The following CDK17 variants were observed in gnomAD, a reference collection of about 807,000 sequenced individuals.
CDK17 encodes the protein cyclin-dependent kinase 17.
Under a neutral mutation model 77.6 loss-of-function variants are expected in CDK17, and 24 were observed. The ratio of observed to expected loss-of-function variants is 0.31; its 90% CI spans 0.22 to 0.44. The LOEUF (loss-of-function observed/expected upper bound fraction) is 0.44, where lower values mean the gene tolerates loss of function less well. Ranked by LOEUF, CDK17 falls within the 20% of genes least tolerant of loss-of-function variation. The probability of loss-of-function intolerance (pLI) is 1.00; values close to 1 mark genes in which losing one functional copy is unlikely to be tolerated. For synonymous variants in CDK17, 203 were observed against 210.4 expected (o/e 0.96, Z 0.30); for missense variants, 429 against 622.5 (o/e 0.69, Z 3.31).
intron 2 of CDK17, among the ~76,000 whole-genome samples, chr12:96,333,885 C>G (rs773579803): frequency 1.3e-5 from 2 of 152,070 alleles, no homozygotes; most frequent in Non-Finnish European, 2.9e-5. Flanking sequence ...AACGGCTTAG[C>G]CAGTCATCAA....
intron 4 of CDK17, among the ~76,000 whole-genome samples, chr12:96,311,980 T>C (rs1235150355): frequency 2.6e-5 from 4 of 151,852 alleles, no homozygotes; most frequent in African/African-American, 7.3e-5. Context: ...TAAGAAAGAG[T>C]ATATGTGTAT....
intron 5 of CDK17, among the ~76,000 whole-genome samples, chr12:96,308,629 T>G (rs10431434): frequency 0.081 from 12,167 of 150,662 alleles, 675 homozygotes; most frequent in South Asian, 0.18. Context: ...CTCGGGAGGC[T>G]GAGGCCAGAG....
At chr12:96,387,187 A>C (rs959917188) in intron 1 of CDK17, 1 of 262,856 alleles carries the variant, frequency 3.8e-6, no homozygotes, top group African/African-American at 2.3e-5. Context: ...AAATCTCATG[A>C]GCTTCATCCT....
chr12:96,364,015 G>A (rs1953542972), intron 1 of CDK17, among the ~76,000 whole-genome samples: 1 of 152,152 alleles, frequency 6.6e-6, no homozygotes, highest in Non-Finnish European at 1.5e-5. Flanking sequence ...ATCACATAAG[G>A]ATATGTACTC....
At chr12:96,365,140 C>A (rs1237204388) in intron 1 of CDK17, among the ~76,000 whole-genome samples, 1 of 151,976 alleles carries the variant, frequency 6.6e-6, no homozygotes, top group African/African-American at 2.4e-5. Flanking sequence ...AATAAAATTG[C>A]TTTTTTCTCA....
rs376184672 is a variant in CDK17, at chr12:96,280,199, G to C, written c.*43C>G. On this transcript the variant is annotated 3_prime_UTR_variant, in exon 17 of 17. Coordinates refer to ENST00000261211, the MANE Select transcript of CDK17 (RefSeq NM_002595.5). ...GCCTTCAGTTCTGAGTCCTTGATTG[G>C]TAAGAAAGGCTGGGGGCTGGGCTTG... 14 of 1,543,460 alleles carry C rather than the reference G, an allele frequency of 9.1e-6. 1 individual carries two copies. In the South Asian group the frequency reaches 1.4e-4, roughly 16 times the overall value.
intron 1 of CDK17, among the ~76,000 whole-genome samples, chr12:96,382,817 T>C (rs983197355): frequency 2.0e-5 from 3 of 152,134 alleles, no homozygotes; most frequent in Non-Finnish European, 4.4e-5. Context: ...CATCCCTTCA[T>C]GAATGGGCAA....
chr12:96,331,721 C>T (rs1312524658), intron 2 of CDK17, among the ~76,000 whole-genome samples: 4 of 151,958 alleles, frequency 2.6e-5, no homozygotes, highest in Non-Finnish European at 4.4e-5. Flanking sequence ...TAAGTATAAC[C>T]AAACGCATCA....
At chr12:96,398,679 C>G (rs369712765) in intron 1 of CDK17, among the ~76,000 whole-genome samples, 101 of 152,336 alleles carry the variant, frequency 6.6e-4, no homozygotes, top group African/African-American at 2.4e-3. Context: ...AATTGTCTGT[C>G]TTTAGGTCAA....
At chr12:96,352,364 C>A (rs1483982500) in intron 1 of CDK17, among the ~76,000 whole-genome samples, 1 of 151,246 alleles carries the variant, frequency 6.6e-6, no homozygotes, top group East Asian at 1.9e-4. Flanking sequence ...AGGTAAGGAC[C>A]GAAGCCAGAA....
At chr12:96,335,828 T>C (rs1363500816) in intron 1 of CDK17, among the ~76,000 whole-genome samples, 2 of 152,166 alleles carry the variant, frequency 1.3e-5, no homozygotes, top group Non-Finnish European at 2.9e-5. Context: ...GACCCACAAT[T>C]TCCTTTCTAA....
chr12:96,391,333 A>G (rs968787722), intron 1 of CDK17, among the ~76,000 whole-genome samples: 1 of 148,740 alleles, frequency 6.7e-6, no homozygotes, highest in African/African-American at 2.5e-5. Flanking sequence ...TCTGTCACTC[A>G]GGTTGGAGTG....
rs116200237 is a variant in CDK17 at position 96,395,090 on chromosome 12, G to A, written c.-30+4896C>T. Among the ~76,000 whole-genome samples the A allele has an allele frequency of 2.6e-3, 401 of 152,214 alleles. 1 individual carries two copies. Among genetic ancestry groups the A allele is most frequent in the African/African-American group, 9.3e-3 (386 of 41,542 alleles). The stretch of plus-strand genomic sequence containing the variant: ...CGGGTTTCACCATGTTGGCCAGGCC[G>A]GACTGGAACTCTTGACCTTGTGATC... On this transcript the variant is annotated intron_variant, in intron 1 of 16. Coordinates refer to ENST00000261211, the MANE Select transcript of CDK17 (RefSeq NM_002595.5).
chr12:96,358,942 C>T (rs1489945900), intron 1 of CDK17, among the ~76,000 whole-genome samples: 1 of 146,134 alleles, frequency 6.8e-6, no homozygotes, highest in Non-Finnish European at 1.5e-5. Context: ...CGTATATTCT[C>T]AACAGATGAC....
chr12:96,363,619 G>A (rs573405838), intron 1 of CDK17, among the ~76,000 whole-genome samples: 16 of 152,190 alleles, frequency 1.1e-4, no homozygotes, highest in South Asian at 2.1e-4. Flanking sequence ...AGGTCAAGGC[G>A]GGCAGATCAT....
intron 1 of CDK17, among the ~76,000 whole-genome samples, chr12:96,344,520 A>G (rs1158118096): frequency 6.6e-6 from 1 of 152,204 alleles, no homozygotes; most frequent in Non-Finnish European, 1.5e-5. Context: ...ATAAACTGTG[A>G]TGACCAGGCA....
intron 9 of CDK17, chr12:96,295,344 C>T (rs1592709767): frequency 3.3e-6 from 1 of 307,592 alleles, no homozygotes; most frequent in Non-Finnish European, 5.9e-6. Flanking sequence ...TTCTTTTAGT[C>T]TAACAGTATC....
rs915749979 is a variant in CDK17 at position 96,286,595 on chromosome 12, A to G, written c.1216+69T>C. On this transcript the variant is annotated intron_variant, in intron 12 of 16. Coordinates refer to ENST00000261211, the MANE Select transcript of CDK17 (RefSeq NM_002595.5). The stretch of plus-strand genomic sequence containing the variant: ...TATCTAATTTTAAAATATGTATTTT[A>G]GAGATACAGTCTTATCCAGCTAGTC... The G allele has an allele frequency of 3.4e-5, 35 of 1,029,482 alleles. No individual in the cohort carries two copies. The Middle Eastern group carries it at 6.2e-4, about 18-fold the overall frequency. The allele number at this position is 1,029,482 out of a possible 1,614,324, so 63.8% of individuals were successfully genotyped here.
chr12:96,330,462 G>C (rs909093284), intron 2 of CDK17, among the ~76,000 whole-genome samples: 7 of 152,124 alleles, frequency 4.6e-5, no homozygotes, highest in African/African-American at 1.7e-4. Context: ...TCACCTCCCT[G>C]TGTTCCAAAA....
Sources: allele counts gnomAD v4.1 joint callset (sites outside exome capture counted in the v4.1 genomes callset), GRCh38; gene constraint gnomAD v4.1.1; transcripts MANE v1.5; gene names NCBI Gene and HGNC (gene_info 2026-07-23, HGNC 2026-07-21).